The following TIAM2 variants were observed in gnomAD, a reference collection of about 807,000 sequenced individuals.
TIAM2 encodes TIAM Rac1 associated GEF 2, also known as rho guanine nucleotide exchange factor TIAM2.
Under a neutral mutation model 152.9 loss-of-function variants are expected in TIAM2, and 80 were observed. The observed-to-expected ratio is 0.52, with a 90% CI of 0.44 to 0.63. The LOEUF (loss-of-function observed/expected upper bound fraction) is 0.63. Among genes scored for constraint, TIAM2 ranks in the 30% least tolerant of loss-of-function variants. TIAM2 has a pLI of 0.00. For synonymous variants in TIAM2, 804 were observed against 838.0 expected (o/e 0.96, Z 0.70); for missense variants, 1,965 against 2,120.1 (o/e 0.93, Z 1.44).
chr6:155,017,317 A>C (rs73579412), intron 1 of TIAM2, among the ~76,000 whole-genome samples: 4,838 of 152,120 alleles, frequency 0.032, 249 homozygotes, highest in African/African-American at 0.11. Flanking sequence ...AATGGGTTGC[A>C]GCTGGTAGAG....
chr6:155,221,111 T>C (rs536548807), intron 15 of TIAM2, among the ~76,000 whole-genome samples: 5 of 176 alleles, frequency 0.028, no homozygotes, highest in African/African-American at 0.043. Context: ...TTTCATCTTG[T>C]TTTTTTTTTT....
chr6:155,130,040 C>G lies in TIAM2; in HGVS notation c.817C>G (p.Pro273Ala). 3.1e-6 allele frequency: 5 copies of G among 1,614,090 alleles called. No homozygotes were observed. The highest frequency in any genetic ancestry group is 4.2e-6 in the Non-Finnish European group (5 of 1,180,032). The stretch of plus-strand genomic sequence containing the variant: ...GGGCTCCTTCCTGGCCCCCGGCATG[C>G]CTGACCCCAGTCTCCATGCCAGCTT... Reference protein sequence around the residue: ...AEGSFLAPGMPDPSLHASFPP... With the variant: ...AEGSFLAPGMADPSLHASFPP... Residue 273 changes from proline to alanine, a missense_variant, in exon 4 of 27, where the codon CCT (proline) becomes GCT (alanine). By Grantham distance (27) the Pro-to-Ala change is conservative (BLOSUM62 -1). Coordinates refer to ENST00000682666, the MANE Select transcript of TIAM2 (RefSeq NM_012454.4).
At chr6:155,114,014 T>TTATATATATATATATATATATATATA (rs1212954021) in intron 2 of TIAM2, among the ~76,000 whole-genome samples, 3 of 58,852 alleles carry the variant, frequency 5.1e-5, no homozygotes, top group African/African-American at 1.3e-4. Flanking sequence ...ATACTTTACT[T>TTATATATATATATATATATATATATA]TATATATATA....
At chr6:155,202,757 G>C (rs1056351395) in intron 14 of TIAM2, among the ~76,000 whole-genome samples, 1 of 151,658 alleles carries the variant, frequency 6.6e-6, no homozygotes, top group Non-Finnish European at 1.5e-5. Flanking sequence ...AGAGATTCTG[G>C]CTGGGTGCCA....
chr6:155,137,142 A>G, intron 4 of TIAM2, 35 bp from the exon 5 acceptor site: 1 of 1,594,944 alleles, frequency 6.3e-7, no homozygotes, highest in Non-Finnish European at 8.6e-7. Context: ...GGATAGCCGT[A>G]AGCTCTGATG....
intron 1 of TIAM2, among the ~76,000 whole-genome samples, chr6:155,034,015 C>T (rs1192592922): frequency 6.6e-6 from 1 of 150,886 alleles, no homozygotes; most frequent in Non-Finnish European, 1.5e-5. Context: ...CCGCACCCGG[C>T]CTCTCTTGGC....
intron 26 of TIAM2, 85 bp from the exon 27 acceptor site, chr6:155,256,398 TA>T: frequency 6.4e-7 from 1 of 1,572,598 alleles, no homozygotes; most frequent in Non-Finnish European, 8.6e-7. Flanking sequence ...ATCTTAATGT[TA>T]AATCTTACAC....
chr6:155,102,835 TTTA>T (rs1192746927), intron 2 of TIAM2, among the ~76,000 whole-genome samples: 1 of 151,238 alleles, frequency 6.6e-6, no homozygotes, highest in Non-Finnish European at 1.5e-5. Flanking sequence ...CTCCCAACAT[TTTA>T]TTAAGAAAAT....
At chr6:155,217,189 C>T (rs1781881152) in intron 15 of TIAM2, 1 of 1,246,220 alleles carries the variant, frequency 8.0e-7, no homozygotes, top group African/African-American at 1.6e-5. Flanking sequence ...GTTGATTTTG[C>T]TCTAAAAATG....
intron 1 of TIAM2, among the ~76,000 whole-genome samples, chr6:155,035,785 C>T (rs1004885233): frequency 6.6e-6 from 1 of 152,166 alleles, no homozygotes; most frequent in Non-Finnish European, 1.5e-5. Context: ...AACGATTACT[C>T]GGTAGATGGT....
rs1359513048 is a variant in TIAM2 at position 155,156,757 on chromosome 6, T to C, written c.2029-7658T>C. ...TAACCTCTCCCCACCTTGACCTTTA[T>C]CTGCAACTCCCTGAGCCCACCCTTC... On this transcript the variant is annotated intron_variant, in intron 7 of 26. Transcript: ENST00000682666. This position sits in a 1 kb window ranked among gnomAD's most constrained non-coding sequence, Gnocchi z 4.4. 6.6e-6 allele frequency among the ~76,000 whole-genome samples: 1 copy of C among 152,228 alleles called. No individual in the cohort carries two copies. Among genetic ancestry groups the C allele is most frequent in the African/African-American group, 2.4e-5 (1 of 41,470 alleles).
At chr6:155,059,326 G>GTGTGTGTGCA (rs1562303820) in intron 1 of TIAM2, among the ~76,000 whole-genome samples, 1 of 147,310 alleles carries the variant, frequency 6.8e-6, no homozygotes. Context: ...GTGTGTGTGT[G>GTGTGTGTGCA]CGCGTGTATG....
chr6:155,216,880 C>T, intron 15 of TIAM2: 1 of 1,156,750 alleles, frequency 8.6e-7, no homozygotes, highest in Non-Finnish European at 1.1e-6. Context: ...TTCCCCCAAT[C>T]ACCGGTGCTG....
rs573396530 is a variant in TIAM2, at chr6:155,108,000, C to T, written c.-118+17621C>T. ...CAGAAATAGGGAGCTTTATTGAAGT[C>T]ATTGTAACTTACAGGATTATTTATA... On this transcript the variant is annotated intron_variant, in intron 2 of 26. Transcript: ENST00000682666. Among the ~76,000 whole-genome samples, 5 of 152,262 alleles carry T rather than the reference C, an allele frequency of 3.3e-5. No homozygotes were observed. In the East Asian group the frequency reaches 9.6e-4, roughly 29 times the overall value.
chr6:155,040,522 G>T (rs144697173), intron 1 of TIAM2, among the ~76,000 whole-genome samples: 2,045 of 151,502 alleles, frequency 0.013, 29 homozygotes, highest in East Asian at 0.051. Flanking sequence ...CTTTTTTTTT[G>T]TTGTTGTTGT....
chr6:155,246,853 C>T (rs751373770), intron 19 of TIAM2, among the ~76,000 whole-genome samples: 3 of 152,218 alleles, frequency 2.0e-5, no homozygotes. Context: ...AGATTTTGAT[C>T]TTACAACACA....
At chr6:155,069,703 T>G (rs777787744) in intron 1 of TIAM2, among the ~76,000 whole-genome samples, 3 of 152,146 alleles carry the variant, frequency 2.0e-5, no homozygotes, top group Non-Finnish European at 4.4e-5. Flanking sequence ...CTAAAATATA[T>G]TAGAAAAATG....
intron 1 of TIAM2, among the ~76,000 whole-genome samples, chr6:155,045,481 A>G (rs1777154885): frequency 6.6e-6 from 1 of 151,932 alleles, no homozygotes; most frequent in South Asian, 2.1e-4. Context: ...CTTCTGTTCC[A>G]TAAATTGTTT....
At chr6:155,042,485 C>A (rs529859187) in intron 1 of TIAM2, among the ~76,000 whole-genome samples, 7 of 152,072 alleles carry the variant, frequency 4.6e-5, no homozygotes, top group Non-Finnish European at 8.8e-5. Context: ...CCAGCTTACT[C>A]GGGAGGCTGA....
Sources: allele counts gnomAD v4.1 joint callset (sites outside exome capture counted in the v4.1 genomes callset), GRCh38; gene constraint gnomAD v4.1.1; non-coding constraint Gnocchi (gnomAD v3.1); transcripts MANE v1.5; gene names NCBI Gene and HGNC (gene_info 2026-07-23, HGNC 2026-07-21).